The following WWOX variants were observed in gnomAD, a reference collection of about 807,000 sequenced individuals.
The protein encoded by WWOX is WW domain containing oxidoreductase, also known as WW domain-containing oxidoreductase.
Under a neutral mutation model 46.2 loss-of-function variants are expected in WWOX, and 69 were observed. The ratio of observed to expected loss-of-function variants is 1.49; its 90% CI spans 1.23 to 1.82. The LOEUF is 1.82. Ranked by LOEUF, WWOX falls within the 40% of genes most tolerant of loss-of-function variation. The probability of loss-of-function intolerance (pLI) is 0.00; values close to 1 mark genes in which losing one functional copy is unlikely to be tolerated. For synonymous variants in WWOX, 359 were observed against 202.6 expected (o/e 1.77, Z -6.56); for missense variants, 919 against 542.6 (o/e 1.69, Z -6.89).
At chr16:79,168,153 C>G (rs1021487855) in intron 8 of WWOX, among the ~76,000 whole-genome samples, 1 of 152,154 alleles carries the variant, frequency 6.6e-6, no homozygotes, top group Non-Finnish European at 1.5e-5. Context: ...TGGGTTGTTT[C>G]CGCCTTCTAG....
intron 8 of WWOX, among the ~76,000 whole-genome samples, chr16:78,771,719 C>G (rs536402555): frequency 6.6e-6 from 1 of 151,914 alleles, no homozygotes; most frequent in Non-Finnish European, 1.5e-5. Flanking sequence ...TTGCAGTGAG[C>G]CAAGATTGTG....
intron 8 of WWOX, among the ~76,000 whole-genome samples, chr16:78,824,141 C>T (rs367745986): frequency 3.3e-5 from 5 of 151,954 alleles, no homozygotes; most frequent in Admixed American, 3.3e-4. Flanking sequence ...TTTTAAAAAT[C>T]TATTTGATTT....
chr16:79,156,512 G>T (rs766072805), intron 8 of WWOX, among the ~76,000 whole-genome samples: 1 of 152,136 alleles, frequency 6.6e-6, no homozygotes, highest in Non-Finnish European at 1.5e-5. Context: ...GTTCAAATTT[G>T]CCACACCAAG....
At chr16:79,164,862 T>C (rs2050559768) in intron 8 of WWOX, among the ~76,000 whole-genome samples, 1 of 152,028 alleles carries the variant, frequency 6.6e-6, no homozygotes, top group East Asian at 1.9e-4. Context: ...TCATAAAACC[T>C]ACAAATACAC....
intron 8 of WWOX, among the ~76,000 whole-genome samples, chr16:79,178,564 G>A (rs370434092): frequency 5.3e-5 from 8 of 152,148 alleles, no homozygotes; most frequent in Admixed American, 1.3e-4. Flanking sequence ...TGATCCTCCC[G>A]CCTCGACCTC....
intron 5 of WWOX, among the ~76,000 whole-genome samples, chr16:78,374,509 C>T (rs975901658): frequency 3.9e-5 from 5 of 127,352 alleles, no homozygotes; most frequent in South Asian, 2.6e-4. Flanking sequence ...TTTGAGTCCT[C>T]AACTTTTTCT....
At chr16:78,988,514 T>A (rs1424797708) in intron 8 of WWOX, among the ~76,000 whole-genome samples, 2 of 151,926 alleles carry the variant, frequency 1.3e-5, no homozygotes, top group Admixed American at 1.3e-4. Flanking sequence ...GGTTGAGGAA[T>A]TCAGCCTACC....
At chr16:78,755,019 G>A (rs1282487194) in intron 8 of WWOX, among the ~76,000 whole-genome samples, 4 of 151,286 alleles carry the variant, frequency 2.6e-5, no homozygotes, top group East Asian at 3.9e-4. Flanking sequence ...ACAACGGGAG[G>A]GGGGAACATC....
intron 8 of WWOX, among the ~76,000 whole-genome samples, chr16:79,005,725 A>G (rs57521144): frequency 0.062 from 9,394 of 152,242 alleles, 842 homozygotes; most frequent in African/African-American, 0.2. Flanking sequence ...CACTGTAATC[A>G]CATCTTACCT....
chr16:78,836,911 G>A lies in WWOX; in HGVS notation c.1057-374697G>A, dbSNP rs571340316. On this transcript the variant is annotated intron_variant, in intron 8 of 8. Transcript: ENST00000566780. The stretch of plus-strand genomic sequence containing the variant: ...TGCGAAGAAGTTTTTTCTTTTTTCA[G>A]AGTCAGAGGTTGGCAGCAAAATATG... Among the ~76,000 whole-genome samples, 31 of 152,226 alleles carry A rather than the reference G, an allele frequency of 2.0e-4. No homozygotes were observed. In the South Asian group the frequency reaches 6.2e-3, roughly 31 times the overall value.
At chr16:78,744,560 T>C (rs1054311172) in intron 8 of WWOX, among the ~76,000 whole-genome samples, 1 of 150,958 alleles carries the variant, frequency 6.6e-6, no homozygotes, top group Non-Finnish European at 1.5e-5. Context: ...GCCTCCCGAG[T>C]AGCTGGGATT....
At chr16:79,208,917 G>T (rs981644546) in intron 8 of WWOX, among the ~76,000 whole-genome samples, 26 of 152,324 alleles carry the variant, frequency 1.7e-4, no homozygotes, top group Non-Finnish European at 2.9e-4. Flanking sequence ...TCCAGCAAGG[G>T]AGGAAAGTAG....
chr16:78,606,944 ATG>A (rs1300379906), intron 8 of WWOX, among the ~76,000 whole-genome samples: 1 of 152,008 alleles, frequency 6.6e-6, no homozygotes, highest in African/African-American at 2.4e-5. Flanking sequence ...CTGATTAATT[ATG>A]TCCAATGATC....
intron 8 of WWOX, among the ~76,000 whole-genome samples, chr16:78,975,456 A>G (rs1424695370): frequency 3.4e-5 from 5 of 146,352 alleles, no homozygotes; most frequent in South Asian, 2.2e-4. Flanking sequence ...GGGTTCCCCA[A>G]CCTTTTTTTT....
At chr16:78,421,782 C>G (rs2082938306) in intron 6 of WWOX, among the ~76,000 whole-genome samples, 2 of 152,124 alleles carry the variant, frequency 1.3e-5, no homozygotes, top group African/African-American at 4.8e-5. Context: ...GCTGACAATT[C>G]TAAACATTAT....
intron 8 of WWOX, among the ~76,000 whole-genome samples, chr16:78,493,799 ATTG>A (rs1294137076): frequency 1.3e-5 from 2 of 152,282 alleles, no homozygotes; most frequent in African/African-American, 4.8e-5. Flanking sequence ...TAGAGGTGGA[ATTG>A]TTGTGTGAGC....
rs1485183318 is a variant in WWOX, at chr16:78,651,496, A to G, written c.1056+218744A>G. Among the ~76,000 whole-genome samples the G allele has an allele frequency of 3.9e-5, 6 of 152,342 alleles. 1 individual carries two copies. Among genetic ancestry groups the G allele is most frequent in the Non-Finnish European group, 4.4e-5 (3 of 68,034 alleles). On this transcript the variant is annotated intron_variant, in intron 8 of 8. Transcript: ENST00000566780. ...TGAGCAGATTGTTAAAATGGTATCA[A>G]AGATGGGCTGGCATGAGGCCAGAGT... is the stretch of plus-strand genomic sequence containing the variant.
At chr16:78,246,288 C>G (rs191456499) in intron 5 of WWOX, among the ~76,000 whole-genome samples, 80 of 152,116 alleles carry the variant, frequency 5.3e-4, no homozygotes, top group African/African-American at 1.8e-3. Flanking sequence ...ATGGAAAAAG[C>G]CTCATATAAC....
intron 8 of WWOX, among the ~76,000 whole-genome samples, chr16:79,128,722 G>T (rs550058100): frequency 1.3e-5 from 2 of 152,164 alleles, no homozygotes; most frequent in African/African-American, 4.8e-5. Context: ...AATTTGCCAA[G>T]GTTTGAAAAG....
Sources: gnomAD v4.1 joint callset for allele counts (sites outside exome capture counted in the v4.1 genomes callset) on GRCh38, gnomAD v4.1.1 for gene constraint, MANE v1.5 for transcripts, NCBI Gene and HGNC (gene_info 2026-07-23, HGNC 2026-07-21) for gene names.